The following NELL1 variants were observed in gnomAD, a reference collection of about 807,000 sequenced individuals.
The protein encoded by NELL1 is neural EGFL like 1.
Under a neutral mutation model 107.4 loss-of-function variants are expected in NELL1, and 76 were observed. The ratio of observed to expected loss-of-function variants is 0.71; its 90% CI spans 0.59 to 0.86. The LOEUF (loss-of-function observed/expected upper bound fraction) is 0.86, where lower values mean the gene tolerates loss of function less well. Among genes scored for constraint, NELL1 ranks in the 40% least tolerant of loss-of-function variants. The pLI is 0.00. For synonymous variants in NELL1, 353 were observed against 341.2 expected (o/e 1.03, Z -0.38); for missense variants, 1,024 against 1,005.5 (o/e 1.02, Z -0.25).
chr11:21,265,552 C>A (rs564403388), intron 14 of NELL1, among the ~76,000 whole-genome samples: 1 of 151,848 alleles, frequency 6.6e-6, no homozygotes, highest in Non-Finnish European at 1.5e-5. Flanking sequence ...AATTAAGTAT[C>A]TCTGTATTGA....
intron 14 of NELL1, among the ~76,000 whole-genome samples, chr11:21,262,722 G>GA (rs1848558468): frequency 6.6e-6 from 1 of 151,740 alleles, no homozygotes; most frequent in South Asian, 2.1e-4. Context: ...ATTTCATGAT[G>GA]ATATTGGTAT....
At chr11:20,872,846 A>G (rs138681407) in intron 4 of NELL1, among the ~76,000 whole-genome samples, 1 of 152,242 alleles carries the variant, frequency 6.6e-6, no homozygotes, top group Non-Finnish European at 1.5e-5. Context: ...TTAGAGAGAC[A>G]TTCATTTGCT....
At chr11:20,917,844 T>C (rs916127020) in intron 5 of NELL1, among the ~76,000 whole-genome samples, 2 of 152,036 alleles carry the variant, frequency 1.3e-5, no homozygotes, top group African/African-American at 4.8e-5. Context: ...AAAAAAATCC[T>C]GTAAATCAGC....
At chr11:20,986,765 A>T (rs941980839) in intron 12 of NELL1, among the ~76,000 whole-genome samples, 2 of 151,996 alleles carry the variant, frequency 1.3e-5, no homozygotes, top group Non-Finnish European at 2.9e-5. Flanking sequence ...AAAACAAGTG[A>T]CTGTCAATAT....
chr11:20,760,290 ATGT>A (rs1302334219), intron 2 of NELL1, among the ~76,000 whole-genome samples: 1 of 152,178 alleles, frequency 6.6e-6, no homozygotes, highest in African/African-American at 2.4e-5. Context: ...TGTAGCCGTA[ATGT>A]TGTTCTCAAG....
At position 21,302,133 on chromosome 11, in the gene NELL1, G is replaced by T. The variant is rs553496216; in HGVS notation, c.1550-68720G>T. Among the ~76,000 whole-genome samples, 399 of 152,044 alleles carry T rather than the reference G, an allele frequency of 2.6e-3. 4 individuals are homozygous for T. The highest frequency in any genetic ancestry group is 4.5e-3 in the Non-Finnish European group (304 of 67,952). ...GTGGCTTTAAACAACAAAAATTTAT[G>T]ATTTCTCATGATTCGTGGGTTGACC... On this transcript the variant is annotated intron_variant, in intron 14 of 19. Transcript: ENST00000357134.
chr11:21,474,538 T>C (rs1409153378), intron 15 of NELL1, among the ~76,000 whole-genome samples: 1 of 152,134 alleles, frequency 6.6e-6, no homozygotes, highest in East Asian at 1.9e-4. Context: ...GAGGAGCATA[T>C]TATATTCAAG....
chr11:21,037,531 C>G (rs1051772493), intron 12 of NELL1, among the ~76,000 whole-genome samples: 1 of 152,110 alleles, frequency 6.6e-6, no homozygotes, highest in Non-Finnish European at 1.5e-5. Flanking sequence ...ACATGTTCCC[C>G]GATGTATGCC....
intron 13 of NELL1, among the ~76,000 whole-genome samples, chr11:21,209,974 G>T (rs748224961): frequency 6.6e-6 from 1 of 151,994 alleles, no homozygotes; most frequent in Non-Finnish European, 1.5e-5. Context: ...TATATAAATA[G>T]GATTATATAA....
intron 12 of NELL1, among the ~76,000 whole-genome samples, chr11:20,988,063 C>CTACTTCAGAACTTAA: frequency 6.6e-6 from 1 of 152,290 alleles, no homozygotes; most frequent in South Asian, 2.1e-4. Context: ...CTTACAACTT[C>CTACTTCAGAACTTAA]TACTTCAGAA....
chr11:20,892,619 A>G (rs905929552), intron 5 of NELL1, among the ~76,000 whole-genome samples: 16 of 152,220 alleles, frequency 1.1e-4, no homozygotes, highest in African/African-American at 3.6e-4. Context: ...TTCTACTGTG[A>G]AGACACATGC....
chr11:21,549,361 G>A (rs903932567), intron 16 of NELL1, among the ~76,000 whole-genome samples: 2 of 151,906 alleles, frequency 1.3e-5, no homozygotes, highest in African/African-American at 4.8e-5. Context: ...ATCAAAATGT[G>A]TTAATCAATC....
At chr11:21,216,010 A>C (rs1404131698) in intron 13 of NELL1, among the ~76,000 whole-genome samples, 1 of 152,052 alleles carries the variant, frequency 6.6e-6, no homozygotes, top group Non-Finnish European at 1.5e-5. Flanking sequence ...GAGGCCTAGG[A>C]GGGAAAAATG....
chr11:20,720,659 C>T (rs905164504), intron 2 of NELL1, among the ~76,000 whole-genome samples: 2 of 152,226 alleles, frequency 1.3e-5, no homozygotes, highest in African/African-American at 4.8e-5. Flanking sequence ...CTTCTGAGGG[C>T]TGTGAGGGAA....
intron 15 of NELL1, among the ~76,000 whole-genome samples, chr11:21,371,535 T>C (rs1247455147): frequency 1.3e-5 from 2 of 152,130 alleles, no homozygotes; most frequent in Non-Finnish European, 2.9e-5. Flanking sequence ...TGGCACTGTT[T>C]GGTGAAATCC....
chr11:20,855,026 C>T (rs1848857294), intron 4 of NELL1, among the ~76,000 whole-genome samples: 1 of 152,236 alleles, frequency 6.6e-6, no homozygotes, highest in Non-Finnish European at 1.5e-5. Context: ...ATATCTCATT[C>T]TGACTTAGCC....
intron 14 of NELL1, among the ~76,000 whole-genome samples, chr11:21,322,550 T>C (rs1161105027): frequency 6.6e-6 from 1 of 152,050 alleles, no homozygotes; most frequent in Non-Finnish European, 1.5e-5. Flanking sequence ...CATCAGAAAA[T>C]GGTATAAAAT....
chr11:20,791,239 C>T (rs1339955152), intron 3 of NELL1, among the ~76,000 whole-genome samples: 1 of 151,974 alleles, frequency 6.6e-6, no homozygotes, highest in Non-Finnish European at 1.5e-5. Context: ...TTTCTCAGGT[C>T]GTCTTTCATT....
chr11:21,156,428 A>T (rs532386132), intron 13 of NELL1, among the ~76,000 whole-genome samples: 4 of 152,102 alleles, frequency 2.6e-5, no homozygotes, highest in African/African-American at 9.7e-5. Context: ...AGTTTAAGTG[A>T]TGGACAGTGG....
Sources: gnomAD v4.1 joint callset for allele counts (sites outside exome capture counted in the v4.1 genomes callset) on GRCh38, gnomAD v4.1.1 for gene constraint, MANE v1.5 for transcripts, NCBI Gene and HGNC (gene_info 2026-07-23, HGNC 2026-07-21) for gene names.